The following ITGB8 variants were observed in gnomAD, a reference collection of about 807,000 sequenced individuals.
The protein encoded by ITGB8 is integrin subunit beta 8.
A neutral mutation model predicts 89.5 loss-of-function variants in ITGB8; 30 were observed. The observed-to-expected ratio is 0.34, with a 90% CI of 0.25 to 0.45. ITGB8 has a LOEUF of 0.45. ITGB8 is among the 20% of genes least tolerant of loss of function. The pLI, the probability that ITGB8 is intolerant of heterozygous loss-of-function variation, is 1.00. For synonymous variants in ITGB8, 335 were observed against 320.4 expected (o/e 1.05, Z -0.49); for missense variants, 836 against 933.3 (o/e 0.90, Z 1.36).
chr7:20,367,546 TGTAA>T (rs557692128), intron 3 of ITGB8, among the ~76,000 whole-genome samples: 204 of 152,348 alleles, frequency 1.3e-3, no homozygotes, highest in Non-Finnish European at 1.2e-3. Context: ...GTAAGTACTC[TGTAA>T]GTATTTGTTA....
intron 7 of ITGB8, among the ~76,000 whole-genome samples, chr7:20,393,354 C>G (rs1042523257): frequency 6.6e-6 from 1 of 152,196 alleles, no homozygotes. Flanking sequence ...TGGGAAGCTC[C>G]GGTGTGAGCC....
chr7:20,334,982 T>G (rs575384960), intron 1 of ITGB8, among the ~76,000 whole-genome samples: 22 of 152,310 alleles, frequency 1.4e-4, no homozygotes, highest in Admixed American at 5.2e-4. Flanking sequence ...CATACAGAAT[T>G]AGAGAGAATG....
chr7:20,362,445 AAG>A (rs1785541375), intron 1 of ITGB8, among the ~76,000 whole-genome samples: 1 of 152,200 alleles, frequency 6.6e-6, no homozygotes, highest in Admixed American at 6.5e-5. Context: ...CGAGATGGCA[AAG>A]AGAGATACTA....
intron 3 of ITGB8, among the ~76,000 whole-genome samples, chr7:20,374,784 A>G (rs1330790771): frequency 6.6e-6 from 1 of 152,186 alleles, no homozygotes; most frequent in Non-Finnish European, 1.5e-5. Context: ...TGTAGACAAG[A>G]GTAAGTATTA....
Position 20,399,004 on chromosome 7 carries a change from T to C in ITGB8, c.1281+10T>C. On this transcript the variant is annotated intron_variant, in intron 9 of 13. Transcript: ENST00000222573. ...GACGAGCAATGATGAAGTATGTGGGTGTGCATTTTTCCCTTTTAAAATAAA... is the reference window on the plus strand; with the variant it reads ...GACGAGCAATGATGAAGTATGTGGGCGTGCATTTTTCCCTTTTAAAATAAA... 1 of 1,603,674 alleles carries C rather than the reference T, an allele frequency of 6.2e-7. No individual in the cohort carries two copies. Among genetic ancestry groups the C allele is most frequent in the Middle Eastern group, 1.7e-4 (1 of 6,024 alleles).
intron 7 of ITGB8, among the ~76,000 whole-genome samples, chr7:20,392,374 T>C (rs938462901): frequency 6.6e-6 from 1 of 152,186 alleles, no homozygotes; most frequent in African/African-American, 2.4e-5. Context: ...AGAAATTACA[T>C]TTTCTTGGCT....
At position 20,411,813 on chromosome 7, in the gene ITGB8, C is replaced by G. The variant is rs1447416870; in HGVS notation, c.*1816C>G. On this transcript the variant is annotated 3_prime_UTR_variant, in exon 14 of 14. Coordinates refer to ENST00000222573, the MANE Select transcript of ITGB8 (RefSeq NM_002214.3). ...ACAGGGGAATTCCTTCGCACCATAG[C>G]CTGTATGAACAGTGTTCCCTGGAGT... The G allele has an allele frequency of 1.3e-5, 2 of 152,228 alleles. No homozygotes were observed. Among genetic ancestry groups the G allele is most frequent in the African/African-American group, 4.8e-5 (2 of 41,436 alleles). The allele number at this position is 152,228 out of a possible 1,614,324, so 9.4% of individuals were successfully genotyped here. A position where few individuals can be genotyped will look rare whatever the true frequency, so the allele number is the denominator to read the frequency against.
rs546787727 is a variant in ITGB8, at chr7:20,413,047, C to A, written c.*3050C>A. 3 of 152,238 alleles carry A rather than the reference C, an allele frequency of 2.0e-5. No homozygotes were observed. In the East Asian group the frequency reaches 5.8e-4, roughly 29 times the overall value. The allele number at this position is 152,238 out of a possible 1,614,324, so 9.4% of individuals were successfully genotyped here. ...GTGCCATACATACACTACAACATAA[C>A]ATTTGCTTTGTTATGCATTTTATTT... On this transcript the variant is annotated 3_prime_UTR_variant, in exon 14 of 14. Coordinates refer to ENST00000222573, the MANE Select transcript of ITGB8 (RefSeq NM_002214.3).
At position 20,411,146 on chromosome 7, in the gene ITGB8, C is replaced by CTTTTTTTTT. The variant is rs66469619; in HGVS notation, c.*1166_*1174dup. 1.7e-5 allele frequency: 1 copy of CTTTTTTTTT among 60,350 alleles called. No homozygotes were observed. The highest frequency in any genetic ancestry group is 8.2e-4 in the South Asian group (1 of 1,218). 3.7% of individuals were successfully genotyped at this position (60,350 alleles called of 1,614,324 possible). ...GAATAGATGATATCTTAGAAATAAGCTTTTTTTTTTTTTTTTTTTTTTTTT... is the reference window on the plus strand; with the variant it reads ...GAATAGATGATATCTTAGAAATAAGCTTTTTTTTTTTTTTTTTTTTTTTTTTTTTTTTTT... On this transcript the variant is annotated 3_prime_UTR_variant, in exon 14 of 14. Transcript: ENST00000222573.
Position 20,367,186 on chromosome 7 carries a change from G to C in ITGB8, c.388G>C (p.Gly130Arg), listed in dbSNP as rs758770661. 6.3e-7 allele frequency: 1 copy of C among 1,595,736 alleles called. No individual in the cohort carries two copies. Among genetic ancestry groups the C allele is most frequent in the Non-Finnish European group, 8.5e-7 (1 of 1,171,472 alleles). ...AGAAGTGTCTATCCAGCTGCGTCCA[G>C]GTTTGGTCATTTTCAAATAAATCTA... ...PGEVSIQLRP[G>R]AEANFMLKVH... Residue 130 changes from glycine to arginine, a missense_variant and splice_region_variant, in exon 3 of 14, where the codon GGA (glycine) becomes CGA (arginine). Gly to Arg is a moderately radical substitution (Grantham distance 125, BLOSUM62 -2). Coordinates refer to ENST00000222573, the MANE Select transcript of ITGB8 (RefSeq NM_002214.3).
chr7:20,399,799 C>T (rs1251137643), intron 9 of ITGB8, among the ~76,000 whole-genome samples: 1 of 152,094 alleles, frequency 6.6e-6, no homozygotes, highest in African/African-American at 2.4e-5. Context: ...GATTTCCAAC[C>T]CCTTTTAATC....
chr7:20,407,299 T>C (rs900736352), intron 12 of ITGB8, among the ~76,000 whole-genome samples: 3 of 151,664 alleles, frequency 2.0e-5, no homozygotes, highest in African/African-American at 4.8e-5. Context: ...ATTGTATACA[T>C]TAATATGTGC....
rs142092381 is a variant in ITGB8, at chr7:20,361,344, T to C, written c.128-2293T>C. On this transcript the variant is annotated intron_variant, in intron 1 of 13. Coordinates refer to ENST00000222573, the MANE Select transcript of ITGB8 (RefSeq NM_002214.3). The stretch of plus-strand genomic sequence containing the variant: ...AATTAGGTCTGTGTCTTAGTTCATC[T>C]GTACTGCTAAAACAAAATATCTGTG... Among the ~76,000 whole-genome samples the C allele has an allele frequency of 1.7e-3, 257 of 152,338 alleles. 1 individual carries two copies. Among genetic ancestry groups the C allele is most frequent in the African/African-American group, 5.8e-3 (243 of 41,580 alleles).
intron 1 of ITGB8, among the ~76,000 whole-genome samples, chr7:20,349,103 G>T (rs1044969574): frequency 2.6e-5 from 4 of 151,974 alleles, no homozygotes; most frequent in Non-Finnish European, 5.9e-5. Flanking sequence ...AGATATTAAA[G>T]TATTACGGAA....
rs151261197 is a variant in ITGB8 at position 20,348,833 on chromosome 7, T to C, written c.128-14804T>C. On this transcript the variant is annotated intron_variant, in intron 1 of 13. Transcript: ENST00000222573. Reference sequence around the variant, plus strand: ...GCCAGTGGGAACAAGGAGAATATGTTTGCAAAGCACTGTTGGAACATTTCC... The same window carrying C: ...GCCAGTGGGAACAAGGAGAATATGTCTGCAAAGCACTGTTGGAACATTTCC... Among the ~76,000 whole-genome samples the C allele has an allele frequency of 2.5e-3, 376 of 152,334 alleles. 1 individual carries two copies. The highest frequency in any genetic ancestry group is 6.8e-3 in the Middle Eastern group (2 of 294).
chr7:20,407,404 T>C (rs1402997541), intron 12 of ITGB8, among the ~76,000 whole-genome samples: 1 of 152,002 alleles, frequency 6.6e-6, no homozygotes, highest in Non-Finnish European at 1.5e-5. Context: ...CCCAGAACCT[T>C]ACTTTGCACA....
chr7:20,354,693 G>A (rs1252430694), intron 1 of ITGB8, among the ~76,000 whole-genome samples: 1 of 152,154 alleles, frequency 6.6e-6, no homozygotes, highest in Non-Finnish European at 1.5e-5. Context: ...CATGTTCCAG[G>A]CAGAAAGAGG....
intron 2 of ITGB8, chr7:20,365,315 T>G (rs1434599494): frequency 6.6e-6 from 1 of 152,240 alleles, no homozygotes. Flanking sequence ...AGAAACTCAC[T>G]TGGGTGCTCA....
At chr7:20,378,955 A>C in intron 3 of ITGB8, 96 bp from the exon 4 acceptor site, 3 of 796,210 alleles carry the variant, frequency 3.8e-6, no homozygotes, top group Non-Finnish European at 5.5e-6. Flanking sequence ...ATTTGTGATG[A>C]TTGTGCTAGG....
Sources: allele counts gnomAD v4.1 joint callset (sites outside exome capture counted in the v4.1 genomes callset), GRCh38; gene constraint gnomAD v4.1.1; transcripts MANE v1.5; gene names NCBI Gene and HGNC (gene_info 2026-07-23, HGNC 2026-07-21).